CNTNAP2: variants seen among roughly 807,000 people sequenced by gnomAD.
The protein encoded by CNTNAP2 is contactin-associated protein-like 2.
In CNTNAP2, 98 loss-of-function variants were observed where a neutral mutation model predicts 155.2. The ratio of observed to expected loss-of-function variants is 0.63; its 90% CI spans 0.54 to 0.75. The LOEUF is 0.75. CNTNAP2 is among the 30% of genes least tolerant of loss of function. The pLI is 0.00. For synonymous variants in CNTNAP2, 651 were observed against 631.2 expected (o/e 1.03, Z -0.47); for missense variants, 1,727 against 1,688.1 (o/e 1.02, Z -0.40).
intron 13 of CNTNAP2, among the ~76,000 whole-genome samples, chr7:147,803,172 C>T (rs1020685748): frequency 3.3e-5 from 5 of 151,966 alleles, no homozygotes; most frequent in Non-Finnish European, 7.4e-5. Context: ...TTAAAAACAC[C>T]CTTTAGAAAT....
At chr7:147,415,153 G>A (rs1173861561) in intron 10 of CNTNAP2, among the ~76,000 whole-genome samples, 1 of 151,984 alleles carries the variant, frequency 6.6e-6, no homozygotes, top group Non-Finnish European at 1.5e-5. Flanking sequence ...GGTTTCAGGT[G>A]GGAGCATACA....
At chr7:147,799,681 C>A (rs928519589) in intron 13 of CNTNAP2, among the ~76,000 whole-genome samples, 4 of 152,146 alleles carry the variant, frequency 2.6e-5, no homozygotes, top group Admixed American at 1.3e-4. Flanking sequence ...TCATTTCAGG[C>A]AAAGACAAGA....
At chr7:148,386,972 T>A (rs1799225136) in intron 22 of CNTNAP2, among the ~76,000 whole-genome samples, 1 of 152,180 alleles carries the variant, frequency 6.6e-6, no homozygotes, top group South Asian at 2.1e-4. Flanking sequence ...TGATAGTGCT[T>A]GTTCATGCAG....
At chr7:148,106,921 C>G (rs1804235868) in intron 15 of CNTNAP2, among the ~76,000 whole-genome samples, 1 of 152,104 alleles carries the variant, frequency 6.6e-6, no homozygotes, top group African/African-American at 2.4e-5. Flanking sequence ...CCATGACACA[C>G]CTAGCTATTC....
At chr7:148,165,160 A>G (rs899679787) in intron 17 of CNTNAP2, among the ~76,000 whole-genome samples, 1 of 152,158 alleles carries the variant, frequency 6.6e-6, no homozygotes, top group Non-Finnish European at 1.5e-5. Flanking sequence ...GTGTGTCCGT[A>G]GGGTTGCTTT....
At chr7:147,118,515 T>C (rs947029173) in intron 5 of CNTNAP2, among the ~76,000 whole-genome samples, 2 of 152,168 alleles carry the variant, frequency 1.3e-5, no homozygotes, top group Admixed American at 1.3e-4. Context: ...TAATTAAATA[T>C]ATGCAGTCAT....
Position 147,431,050 on chromosome 7 carries a change from CAA to C in CNTNAP2, c.1670+35284_1670+35285del, listed in dbSNP as rs34150647. Among the ~76,000 whole-genome samples, 1,121 of 123,980 alleles carry C rather than the reference CAA, an allele frequency of 9.0e-3. 16 individuals are homozygous for C. The highest frequency in any genetic ancestry group is 0.031 in the African/African-American group (972 of 31,688). The allele number at this position is 123,980 out of a possible 152,430, so 81.3% of individuals were successfully genotyped here. A position where few individuals can be genotyped will look rare whatever the true frequency, so the allele number is the denominator to read the frequency against. On this transcript the variant is annotated intron_variant, in intron 10 of 23. Transcript: ENST00000361727. The stretch of plus-strand genomic sequence containing the variant: ...TGGGCGACAGAGTGAGACTCCATCT[CAA>C]AAAAAAAAAAAAAGATACATGGGAT...
At chr7:147,303,208 G>A (rs1273754235) in intron 9 of CNTNAP2, among the ~76,000 whole-genome samples, 1 of 152,206 alleles carries the variant, frequency 6.6e-6, no homozygotes, top group Non-Finnish European at 1.5e-5. Flanking sequence ...ATGCCTTTAA[G>A]TTCACTACTG....
intron 4 of CNTNAP2, among the ~76,000 whole-genome samples, chr7:147,067,550 T>C (rs1318526515): frequency 6.6e-6 from 1 of 152,188 alleles, no homozygotes; most frequent in Non-Finnish European, 1.5e-5. Flanking sequence ...ATTTACAATG[T>C]AGCAGTGACT....
intron 3 of CNTNAP2, among the ~76,000 whole-genome samples, chr7:146,991,841 G>A (rs1460496581): frequency 6.6e-6 from 1 of 152,160 alleles, no homozygotes; most frequent in African/African-American, 2.4e-5. Context: ...TTAACAATGT[G>A]AATGGCATGA....
chr7:147,409,160 T>G (rs1046845553), intron 10 of CNTNAP2, among the ~76,000 whole-genome samples: 1 of 152,164 alleles, frequency 6.6e-6, no homozygotes, highest in African/African-American at 2.4e-5. Context: ...ATCTGGAAGA[T>G]GGTGAAAACC....
In CNTNAP2 at chr7:147,044,022, G is replaced by A. The variant is rs748668296; in HGVS notation, c.518G>A (p.Gly173Glu). Reference protein sequence around the residue: ...PLDWNGEGRIGLRIEVYGCSY... With the variant: ...PLDWNGEGRIELRIEVYGCSY... ...GATTGGAATGGAGAAGGTCGCATTG[G>A]ACTCAGAATTGAAGTTTATGGCTGT... The change falls in exon 4 of 24, where the codon GGA becomes GAA. Residue 173 changes from glycine to glutamate, a missense_variant. Coordinates refer to ENST00000361727, the MANE Select transcript of CNTNAP2 (RefSeq NM_014141.6). 6.2e-7 allele frequency: 1 copy of A among 1,614,016 alleles called. No individual in the cohort carries two copies. Among genetic ancestry groups the A allele is most frequent in the East Asian group, 2.2e-5 (1 of 44,886 alleles).
intron 1 of CNTNAP2, among the ~76,000 whole-genome samples, chr7:146,729,703 A>G (rs968961876): frequency 5.9e-5 from 9 of 152,040 alleles, no homozygotes; most frequent in Non-Finnish European, 1.2e-4. Context: ...GGTCCATTAT[A>G]CCAGTTTGGT....
intron 13 of CNTNAP2, among the ~76,000 whole-genome samples, chr7:147,722,917 C>T (rs974407865): frequency 1.3e-5 from 2 of 152,042 alleles, no homozygotes; most frequent in African/African-American, 4.8e-5. Flanking sequence ...CTGAACAATG[C>T]TATAGATAGT....
intron 1 of CNTNAP2, among the ~76,000 whole-genome samples, chr7:146,482,384 A>ATG (rs891678331): frequency 4.9e-5 from 7 of 144,148 alleles, no homozygotes; most frequent in Non-Finnish European, 1.0e-4. Context: ...ATATATATGT[A>ATG]TGTGTGTGTG....
intron 2 of CNTNAP2, among the ~76,000 whole-genome samples, chr7:146,831,370 C>T (rs547542637): frequency 1.1e-3 from 173 of 151,984 alleles, no homozygotes; most frequent in Non-Finnish European, 1.8e-3. Context: ...AATCTGAATT[C>T]GAATGCTTCA....
intron 10 of CNTNAP2, among the ~76,000 whole-genome samples, chr7:147,423,912 A>T (rs1002379957): frequency 6.6e-6 from 1 of 152,076 alleles, no homozygotes; most frequent in African/African-American, 2.4e-5. Context: ...CCTTGCAATC[A>T]CCTTTGATTT....
At chr7:147,109,897 ATT>A (rs1800841034) in intron 5 of CNTNAP2, among the ~76,000 whole-genome samples, 1 of 14,472 alleles carries the variant, frequency 6.9e-5, no homozygotes, top group Admixed American at 8.8e-4. Flanking sequence ...TGTTATTTGT[ATT>A]TATTTATTTA....
intron 20 of CNTNAP2, among the ~76,000 whole-genome samples, chr7:148,242,684 C>A (rs1303455623): frequency 6.6e-6 from 1 of 152,190 alleles, no homozygotes; most frequent in Non-Finnish European, 1.5e-5. Context: ...ATTTTTCTTA[C>A]GCTTTCACAT....
Sources: allele counts gnomAD v4.1 joint callset (sites outside exome capture counted in the v4.1 genomes callset), GRCh38; gene constraint gnomAD v4.1.1; transcripts MANE v1.5; gene names NCBI Gene and HGNC (gene_info 2026-07-23, HGNC 2026-07-21).